Variants in RAD50 observed in about 807,000 individuals in gnomAD.
RAD50 encodes DNA repair protein RAD50.
A neutral mutation model predicts 168.8 loss-of-function variants in RAD50; 132 were observed. The observed-to-expected ratio is 0.78, with a 90% CI of 0.68 to 0.90. The LOEUF (loss-of-function observed/expected upper bound fraction) is 0.90. RAD50 is among the 40% of genes least tolerant of loss of function. The pLI, the probability that RAD50 is intolerant of heterozygous loss-of-function variation, is 0.00. For synonymous variants in RAD50, 525 were observed against 497.4 expected (o/e 1.06, Z -0.74); for missense variants, 1,347 against 1,534.4 (o/e 0.88, Z 2.04).
chr5:132,579,698 T>G, intron 4 of RAD50, 164 bp from the exon 5 acceptor site: 1 of 833,538 alleles, frequency 1.2e-6, no homozygotes. Flanking sequence ...TGATTGACAG[T>G]ATAAATGTAA....
In RAD50 at chr5:132,557,501, G is replaced by A. The variant is rs1484290395; in HGVS notation, c.129+48G>A. The A allele has an allele frequency of 4.3e-6, 7 of 1,610,602 alleles. No homozygotes were observed. The South Asian group carries it at 7.7e-5, about 18-fold the overall frequency. On this transcript the variant is annotated intron_variant, in intron 1 of 24. Coordinates refer to ENST00000378823, the MANE Select transcript of RAD50 (RefSeq NM_005732.4). ...CAGTTTACAGGTCGCTACATCTTTC[G>A]GAGAATAAAATGGGAAGTTGAGAAC...
Position 132,588,805 on chromosome 5 carries a change from AAGAC to A in RAD50, c.1174_1177del (p.Gln392LeufsTer8), listed in dbSNP as rs1554098250. 1 of 1,613,988 alleles carries A rather than the reference AAGAC, an allele frequency of 6.2e-7. No individual in the cohort carries two copies. Among genetic ancestry groups the A allele is most frequent in the Non-Finnish European group, 8.5e-7 (1 of 1,179,984 alleles). Reference sequence around the variant, plus strand: ...GCTTTGAGCGTGGACCATTCAGTGAAAGACAGATTAAAAATTTTCACAAACTTGT... The same window carrying A: ...GCTTTGAGCGTGGACCATTCAGTGAAAGATTAAAAATTTTCACAAACTTGT... On this transcript the variant is annotated frameshift_variant, in exon 8 of 25. Coordinates refer to ENST00000378823, the MANE Select transcript of RAD50 (RefSeq NM_005732.4). LOFTEE classifies it high-confidence loss of function.
chr5:132,603,544 T>A (rs1750927161), intron 14 of RAD50, 55 bp downstream of exon 14: 1 of 1,553,092 alleles, frequency 6.4e-7, no homozygotes, highest in Non-Finnish European at 8.9e-7. Context: ...TGGCTTGAAT[T>A]TGAAGTGTGA....
chr5:132,580,249 C>G (rs1484701643), intron 5 of RAD50, among the ~76,000 whole-genome samples, 183 bp downstream of exon 5: 1 of 152,076 alleles, frequency 6.6e-6, no homozygotes. Flanking sequence ...TTGTTATTAA[C>G]TAAAGTCACA....
Position 132,558,718 on chromosome 5 carries a change from CAAAAAAAAAAAA to C in RAD50, c.130-553_130-542del, listed in dbSNP as rs35515008. ...GACAGAGGGAGACTCTCTCCCCCCA[CAAAAAAAAAAAA>C]AAAAAAAAAAAAGTTTCTACAGGCT... is the stretch of plus-strand genomic sequence containing the variant. On this transcript the variant is annotated intron_variant, in intron 1 of 24. Transcript: ENST00000378823. 6.6e-5 allele frequency among the ~76,000 whole-genome samples: 5 copies of C among 75,794 alleles called. No homozygotes were observed. In the East Asian group the frequency reaches 2.1e-3, roughly 31 times the overall value. 49.7% of individuals were successfully genotyped at this position (75,794 alleles called of 152,430 possible).
At chr5:132,592,183 G>C in intron 11 of RAD50, 149 bp downstream of exon 11, 1 of 843,996 alleles carries the variant, frequency 1.2e-6, no homozygotes, top group South Asian at 1.7e-5. Context: ...AAAGTTCATG[G>C]AAAAATGGAA....
intron 2 of RAD50, among the ~76,000 whole-genome samples, chr5:132,567,399 A>G (rs1209345281): frequency 1.3e-4 from 20 of 152,228 alleles, no homozygotes; most frequent in Admixed American, 1.3e-3. Flanking sequence ...TCTACCTGGG[A>G]ACACTTTGTA....
intron 2 of RAD50, among the ~76,000 whole-genome samples, chr5:132,568,769 C>T (rs191049615): frequency 3.9e-5 from 6 of 152,278 alleles, no homozygotes; most frequent in Admixed American, 2.0e-4. Context: ...AGGACATTTT[C>T]AGATTTAAAA....
chr5:132,568,629 G>A (rs1017408091), intron 2 of RAD50, among the ~76,000 whole-genome samples: 3 of 152,130 alleles, frequency 2.0e-5, no homozygotes, highest in Admixed American at 1.3e-4. Context: ...AGAATAATGA[G>A]TATGATTACT....
At chr5:132,626,675 G>A (rs1237113521) in intron 21 of RAD50, among the ~76,000 whole-genome samples, 1 of 152,138 alleles carries the variant, frequency 6.6e-6, no homozygotes, top group Non-Finnish European at 1.5e-5. Flanking sequence ...TGAGGGCTGT[G>A]CATAGAAGAC....
intron 24 of RAD50, among the ~76,000 whole-genome samples, chr5:132,641,421 C>CTCCTGGCTCCAGACAG (rs1297298567): frequency 6.6e-6 from 1 of 152,164 alleles, no homozygotes; most frequent in Non-Finnish European, 1.5e-5. Flanking sequence ...GTTTCAGGCA[C>CTCCTGGCTCCAGACAG]TCCTGGCTCC....
At chr5:132,581,285 A>AT (rs1486657453) in intron 5 of RAD50, among the ~76,000 whole-genome samples, 7 of 151,732 alleles carry the variant, frequency 4.6e-5, no homozygotes, top group African/African-American at 1.7e-4. Flanking sequence ...AAAAAATAGA[A>AT]TTTTTTGTAT....
Position 132,603,958 on chromosome 5 carries a change from A to G in RAD50, c.2436A>G (p.Gln812=), listed in dbSNP as rs1554099149. 6.2e-7 allele frequency: 1 copy of G among 1,611,724 alleles called. No individual in the cohort carries two copies. The highest frequency in any genetic ancestry group is 8.5e-7 in the Non-Finnish European group (1 of 1,177,892). Residue 812 remains glutamine, a synonymous_variant, in exon 15 of 25, where the codon CAA becomes CAG. Transcript: ENST00000378823. ...LKDVERKIAQ[Q]AAKLQGIDLD... ...ATGTTGAAAGAAAAATTGCACAACAAGCAGCTAAGCTACAAGGAATAGACT... is the reference window on the plus strand; with the variant it reads ...ATGTTGAAAGAAAAATTGCACAACAGGCAGCTAAGCTACAAGGAATAGACT...
At chr5:132,582,941 T>G (rs556889459) in intron 5 of RAD50, among the ~76,000 whole-genome samples, 2 of 152,266 alleles carry the variant, frequency 1.3e-5, no homozygotes, top group Admixed American at 1.3e-4. Flanking sequence ...TGGCTGGATT[T>G]AAGGAATGAA....
Position 132,642,832 on chromosome 5 carries a change from T to A in RAD50, c.*468T>A. ...CTGAGGATGACCAGAAATGGTGAGA[T>A]GTATGTTTGGCTCTGCTTTTAACTT... is the stretch of plus-strand genomic sequence containing the variant. On this transcript the variant is annotated 3_prime_UTR_variant, in exon 25 of 25. Transcript: ENST00000378823. The A allele has an allele frequency of 2.8e-6, 1 of 361,342 alleles. No individual in the cohort carries two copies. The highest frequency in any genetic ancestry group is 5.5e-6 in the Non-Finnish European group (1 of 183,470). The allele number at this position is 361,342 out of a possible 1,614,324, so 22.4% of individuals were successfully genotyped here. A position where few individuals can be genotyped will look rare whatever the true frequency, so the allele number is the denominator to read the frequency against.
chr5:132,576,808 C>G (rs1750407672), intron 3 of RAD50, among the ~76,000 whole-genome samples: 1 of 152,084 alleles, frequency 6.6e-6, no homozygotes, highest in Non-Finnish European at 1.5e-5. Context: ...TTACTAATAA[C>G]TCTGTTTTTA....
chr5:132,573,860 T>C (rs1750350427), intron 2 of RAD50, among the ~76,000 whole-genome samples: 1 of 152,198 alleles, frequency 6.6e-6, no homozygotes, highest in Non-Finnish European at 1.5e-5. Context: ...AGCTCCAGAA[T>C]GATCTCCTTT....
Position 132,603,403 on chromosome 5 carries a change from C to G in RAD50, c.2311C>G (p.Gln771Glu), listed in dbSNP as rs749407085. The change falls in exon 14 of 25, where the codon CAA (glutamine) becomes GAA (glutamate). Residue 771 changes from glutamine (Q) to glutamate (E), a missense_variant. Gln to Glu is a conservative substitution (Grantham distance 29). Around this residue, in one of 3 missense-constraint regions of RAD50, gnomAD observed 635 missense variants for 739.2 expected, o/e 0.86. Transcript: ENST00000378823. Reference sequence around the variant, plus strand: ...GCGCCTAAAGAACGACATAGAAGAACAAGAAACACTCTTGGGTACAATAAT... The same window carrying G: ...GCGCCTAAAGAACGACATAGAAGAAGAAGAAACACTCTTGGGTACAATAAT... ...IQRLKNDIEE[Q>E]ETLLGTIMPE... is the part of the protein sequence containing the mutation. The G allele has an allele frequency of 6.2e-7, 1 of 1,613,844 alleles. No homozygotes were observed. Among genetic ancestry groups the G allele is most frequent in the South Asian group, 1.1e-5 (1 of 91,074 alleles).
At chr5:132,600,965 T>C (rs1165330648) in intron 13 of RAD50, among the ~76,000 whole-genome samples, 1 of 152,088 alleles carries the variant, frequency 6.6e-6, no homozygotes, top group Non-Finnish European at 1.5e-5. Context: ...TTAAAAAACC[T>C]TGTGAATCGT....
Sources: gnomAD v4.1 joint callset for allele counts (sites outside exome capture counted in the v4.1 genomes callset) on GRCh38, gnomAD v4.1.1 for gene constraint, gnomAD v4.1.1 regional missense constraint, MANE v1.5 for transcripts, NCBI Gene and HGNC (gene_info 2026-07-23, HGNC 2026-07-21) for gene names.